Variants in KIRREL1 observed in about 807,000 individuals in gnomAD.
KIRREL1 encodes kin of IRRE-like protein 1.
KIRREL1 carries 25 observed loss-of-function variants against 83.3 expected under a neutral mutation model. The ratio of observed to expected loss-of-function variants is 0.30; its 90% CI spans 0.22 to 0.42. The LOEUF is 0.42. Ranked by LOEUF, KIRREL1 falls within the 10% of genes least tolerant of loss-of-function variation. The probability of loss-of-function intolerance (pLI) is 1.00; values close to 1 mark genes in which losing one functional copy is unlikely to be tolerated. For synonymous variants in KIRREL1, 388 were observed against 410.4 expected (o/e 0.95, Z 0.66); for missense variants, 812 against 1,032.3 (o/e 0.79, Z 2.92).
chr1:158,013,866 C>T (rs1042846858), intron 1 of KIRREL1, among the ~76,000 whole-genome samples: 5 of 152,176 alleles, frequency 3.3e-5, no homozygotes, highest in African/African-American at 1.2e-4. Flanking sequence ...AAGGAGCTTA[C>T]TGTCCATTAA....
chr1:158,052,651 T>C (rs1360799680), intron 1 of KIRREL1, among the ~76,000 whole-genome samples: 2 of 148,490 alleles, frequency 1.3e-5, no homozygotes, highest in African/African-American at 5.0e-5. Flanking sequence ...CCGGGCGTGG[T>C]GGCGGGTGCC....
chr1:158,026,832 GA>G (rs1660184876), intron 1 of KIRREL1, among the ~76,000 whole-genome samples: 2 of 152,036 alleles, frequency 1.3e-5, no homozygotes, highest in Admixed American at 1.3e-4. Context: ...AAAGCTGAAT[GA>G]AAAAAAGCAA....
chr1:157,996,791 C>G (rs1489888471), intron 1 of KIRREL1, among the ~76,000 whole-genome samples: 1 of 152,214 alleles, frequency 6.6e-6, no homozygotes, highest in Non-Finnish European at 1.5e-5. Flanking sequence ...TCTCTTTGAC[C>G]TTGACTGAAC....
intron 3 of KIRREL1, 58 bp from the exon 4 acceptor site, chr1:158,084,364 G>T (rs147112292): frequency 1.4e-6 from 2 of 1,474,788 alleles, no homozygotes; most frequent in Non-Finnish European, 1.8e-6. Flanking sequence ...AGGAGTTTTG[G>T]TCTTCAGGGA....
intron 1 of KIRREL1, among the ~76,000 whole-genome samples, chr1:158,039,509 G>A (rs1285185535): frequency 6.6e-6 from 1 of 152,170 alleles, no homozygotes; most frequent in African/African-American, 2.4e-5. Flanking sequence ...CGGGATGTGA[G>A]AGCTGGGCAA....
At chr1:158,023,043 G>T (rs1375203930) in intron 1 of KIRREL1, among the ~76,000 whole-genome samples, 1 of 152,180 alleles carries the variant, frequency 6.6e-6, no homozygotes, top group Non-Finnish European at 1.5e-5. Flanking sequence ...CTCTCCACAG[G>T]TTTTGGCTGC....
chr1:158,075,053 T>TC (rs1661637282), intron 1 of KIRREL1, among the ~76,000 whole-genome samples: 1 of 152,066 alleles, frequency 6.6e-6, no homozygotes, highest in Non-Finnish European at 1.5e-5. Context: ...CACTCCCTTG[T>TC]CCCCCTTCTC....
At position 158,096,807 on chromosome 1, in the gene KIRREL1, C is replaced by G; in HGVS notation, c.*1687C>G. The G allele has an allele frequency of 2.2e-6, 1 of 456,732 alleles. No individual in the cohort carries two copies. Among genetic ancestry groups the G allele is most frequent in the African/African-American group, 2.0e-5 (1 of 50,190 alleles). The allele number at this position is 456,732 out of a possible 1,614,324, so 28.3% of individuals were successfully genotyped here. A position where few individuals can be genotyped will look rare whatever the true frequency, so the allele number is the denominator to read the frequency against. Reference sequence around the variant, plus strand: ...TGGAGTTGGCTGTTTCCCGCCTCCCCAGCTGCATGTCCAGCCCAGTGGGAG... The same window carrying G: ...TGGAGTTGGCTGTTTCCCGCCTCCCGAGCTGCATGTCCAGCCCAGTGGGAG... On this transcript the variant is annotated 3_prime_UTR_variant, in exon 15 of 15. Coordinates refer to ENST00000359209, the MANE Select transcript of KIRREL1 (RefSeq NM_018240.7).
At chr1:158,079,135 A>G (rs1179968944) in intron 3 of KIRREL1, among the ~76,000 whole-genome samples, 2 of 151,752 alleles carry the variant, frequency 1.3e-5, no homozygotes, top group African/African-American at 4.8e-5. Flanking sequence ...CCCTATTTAC[A>G]TTGACTCTGT....
intron 1 of KIRREL1, among the ~76,000 whole-genome samples, chr1:158,054,744 C>T (rs1298948013): frequency 6.6e-6 from 1 of 152,184 alleles, no homozygotes; most frequent in Admixed American, 6.5e-5. Context: ...CCTGCCTCTA[C>T]CAAATTGTCA....
chr1:158,011,231 C>T (rs1659679065), intron 1 of KIRREL1, among the ~76,000 whole-genome samples: 1 of 152,198 alleles, frequency 6.6e-6, no homozygotes, highest in Admixed American at 6.5e-5. Context: ...AAGCACTGAC[C>T]TTTCAGTTTT....
chr1:158,045,892 T>A (rs1167465972), intron 1 of KIRREL1, among the ~76,000 whole-genome samples: 1 of 152,174 alleles, frequency 6.6e-6, no homozygotes, highest in Non-Finnish European at 1.5e-5. Context: ...ACTTGGGAAG[T>A]TCCACGAGTT....
intron 4 of KIRREL1, among the ~76,000 whole-genome samples, chr1:158,085,447 A>G (rs1307126196): frequency 6.6e-6 from 1 of 152,224 alleles, no homozygotes; most frequent in East Asian, 1.9e-4. Flanking sequence ...CTCATTTGAC[A>G]AATGATAATT....
chr1:158,021,728 G>A (rs569976568), intron 1 of KIRREL1, among the ~76,000 whole-genome samples: 2 of 150,634 alleles, frequency 1.3e-5, no homozygotes, highest in Non-Finnish European at 3.0e-5. Flanking sequence ...GGCCCTAGAG[G>A]TTCTGGGGGT....
At chr1:158,056,784 C>T (rs1231011035) in intron 1 of KIRREL1, among the ~76,000 whole-genome samples, 2 of 152,156 alleles carry the variant, frequency 1.3e-5, no homozygotes, top group South Asian at 4.1e-4. Flanking sequence ...GCTGGCTGGG[C>T]GGGGGTGCTG....
intron 1 of KIRREL1, among the ~76,000 whole-genome samples, chr1:158,069,340 G>A (rs112591096): frequency 4.4e-5 from 6 of 135,772 alleles, no homozygotes; most frequent in African/African-American, 1.3e-4. Context: ...GTGTGTGTGT[G>A]TGTGAATCTA....
chr1:158,041,229 A>T (rs568693643), intron 1 of KIRREL1, among the ~76,000 whole-genome samples: 1 of 152,186 alleles, frequency 6.6e-6, no homozygotes, highest in Admixed American at 6.5e-5. Context: ...AGGGTCAGCT[A>T]ATAAAAGATG....
At chr1:158,048,353 C>T (rs1006641387) in intron 1 of KIRREL1, among the ~76,000 whole-genome samples, 4 of 152,186 alleles carry the variant, frequency 2.6e-5, no homozygotes, top group African/African-American at 7.2e-5. Flanking sequence ...CAGGTTGCTC[C>T]AGGTTGAGTA....
In KIRREL1 at chr1:158,086,588, T is replaced by C. The variant is rs1163551605; in HGVS notation, c.511-8T>C. On this transcript the variant is annotated splice_polypyrimidine_tract_variant and splice_region_variant and intron_variant, in intron 4 of 14. Coordinates refer to ENST00000359209, the MANE Select transcript of KIRREL1 (RefSeq NM_018240.7). ...TTAACCATATCTCCCACCCTTGTCA[T>C]GTTCCAGGAATTGCTGAAGGATGGG... 22 of 1,551,512 alleles carry C rather than the reference T, an allele frequency of 1.4e-5. No individual in the cohort carries two copies. The highest frequency in any genetic ancestry group is 1.9e-5 in the Non-Finnish European group (22 of 1,146,900).
Sources: gnomAD v4.1 joint callset for allele counts (sites outside exome capture counted in the v4.1 genomes callset) on GRCh38, gnomAD v4.1.1 for gene constraint, MANE v1.5 for transcripts, NCBI Gene and HGNC (gene_info 2026-07-23, HGNC 2026-07-21) for gene names.